The following EPHA6 variants were observed in gnomAD, a reference collection of about 807,000 sequenced individuals.
EPHA6 encodes EPH receptor A6, also known as ephrin type-A receptor 6.
In EPHA6, 50 loss-of-function variants were observed where a neutral mutation model predicts 112.0. The observed-to-expected ratio is 0.45, with a 90% confidence interval of 0.36 to 0.56. The LOEUF (loss-of-function observed/expected upper bound fraction) is 0.56. Among genes scored for constraint, EPHA6 ranks in the 20% least tolerant of loss-of-function variants. EPHA6 has a pLI of 0.00. For missense variants in EPHA6, 1,280 were observed against 1,417.4 expected (o/e 0.90, Z 1.56); for synonymous variants, 529 against 490.7 (o/e 1.08, Z -1.03).
In EPHA6 at chr3:97,485,429, C is replaced by T. The variant is rs79829273; in HGVS notation, c.2200+1370C>T. On this transcript the variant is annotated intron_variant, in intron 10 of 17. Coordinates refer to ENST00000389672, the MANE Select transcript of EPHA6 (RefSeq NM_001080448.3). ...TACTCATGAAGCTAATCCTGTTTCC[C>T]GGGTACACAGAGAAGTAGAACTACC... 2.7e-3 allele frequency among the ~76,000 whole-genome samples: 412 copies of T among 152,274 alleles called. 4 individuals are homozygous for T. The highest frequency in any genetic ancestry group is 9.1e-3 in the African/African-American group (380 of 41,550).
intron 5 of EPHA6, among the ~76,000 whole-genome samples, chr3:97,305,840 G>A (rs1397440460): frequency 2.0e-5 from 3 of 151,842 alleles, no homozygotes; most frequent in Non-Finnish European, 4.4e-5. Context: ...TAACAAACCT[G>A]CACGTCCTGC....
At chr3:97,535,461 T>G (rs1056114856) in intron 11 of EPHA6, among the ~76,000 whole-genome samples, 1 of 152,030 alleles carries the variant, frequency 6.6e-6, no homozygotes, top group East Asian at 1.9e-4. Context: ...GCTACCAAGG[T>G]GGGTTGTAGA....
intron 13 of EPHA6, among the ~76,000 whole-genome samples, chr3:97,624,681 C>A (rs1282878527): frequency 6.6e-6 from 1 of 151,548 alleles, no homozygotes; most frequent in Non-Finnish European, 1.5e-5. Flanking sequence ...TCATCAGGTC[C>A]AAGGATTTTC....
intron 11 of EPHA6, among the ~76,000 whole-genome samples, chr3:97,538,060 T>C (rs890233229): frequency 6.6e-6 from 1 of 152,206 alleles, no homozygotes; most frequent in East Asian, 1.9e-4. Context: ...ACTAGTTACA[T>C]ACTTTTGTTT....
At chr3:97,023,967 A>T (rs925516916) in intron 3 of EPHA6, among the ~76,000 whole-genome samples, 5 of 152,178 alleles carry the variant, frequency 3.3e-5, no homozygotes, top group African/African-American at 1.2e-4. Context: ...TTCCTCACAG[A>T]ATTCACAATC....
At chr3:97,334,790 A>G (rs1048050342) in intron 5 of EPHA6, among the ~76,000 whole-genome samples, 1 of 151,956 alleles carries the variant, frequency 6.6e-6, no homozygotes, top group Non-Finnish European at 1.5e-5. Flanking sequence ...ATGTAATTCT[A>G]TTGACTTTTT....
At chr3:97,466,022 T>A (rs943659041) in intron 7 of EPHA6, among the ~76,000 whole-genome samples, 5 of 151,934 alleles carry the variant, frequency 3.3e-5, no homozygotes, top group African/African-American at 9.7e-5. Flanking sequence ...AATTGATACA[T>A]GAGACCCATT....
intron 5 of EPHA6, among the ~76,000 whole-genome samples, chr3:97,320,212 T>G (rs2082043688): frequency 6.6e-6 from 1 of 152,034 alleles, no homozygotes; most frequent in African/African-American, 2.4e-5. Context: ...ACACAATAAA[T>G]TTTTATTAGT....
At chr3:96,836,002 T>A (rs781173424) in intron 1 of EPHA6, among the ~76,000 whole-genome samples, 3 of 152,098 alleles carry the variant, frequency 2.0e-5, no homozygotes, top group African/African-American at 7.2e-5. Flanking sequence ...TTGTATAAAA[T>A]TCATCTTAGG....
At chr3:97,375,882 C>T (rs2085319537) in intron 5 of EPHA6, among the ~76,000 whole-genome samples, 1 of 152,006 alleles carries the variant, frequency 6.6e-6, no homozygotes. Flanking sequence ...TACAAACTAA[C>T]CTATAGTGAA....
intron 5 of EPHA6, among the ~76,000 whole-genome samples, chr3:97,370,439 G>T (rs1252350631): frequency 6.6e-6 from 1 of 151,956 alleles, no homozygotes; most frequent in African/African-American, 2.4e-5. Context: ...CCTATAAATA[G>T]CACTACTATA....
chr3:97,696,559 C>T (rs963593070), intron 14 of EPHA6, among the ~76,000 whole-genome samples: 6 of 152,138 alleles, frequency 3.9e-5, no homozygotes, highest in African/African-American at 1.4e-4. Context: ...GACAAAATCC[C>T]TTTGAAGAAA....
intron 2 of EPHA6, among the ~76,000 whole-genome samples, chr3:96,897,900 G>A (rs2038370965): frequency 6.6e-6 from 1 of 152,064 alleles, no homozygotes. Context: ...ATAATATAAG[G>A]GAATGAAGTA....
In EPHA6 at chr3:97,751,312, T is replaced by G. The variant is rs1559649093; in HGVS notation, c.*2611T>G. Among the ~76,000 whole-genome samples the G allele has an allele frequency of 6.6e-6, 1 of 152,240 alleles. No individual in the cohort carries two copies. Among genetic ancestry groups the G allele is most frequent in the Non-Finnish European group, 1.5e-5 (1 of 67,966 alleles). On this transcript the variant is annotated 3_prime_UTR_variant, in exon 18 of 18. Coordinates refer to ENST00000389672, the MANE Select transcript of EPHA6 (RefSeq NM_001080448.3). ...TCTACATCTGGTTAATTTGTACTTA[T>G]TTTTTCTTTCTCTAACATCTTTTGA...
rs547084414 is a variant in EPHA6 at position 97,613,315 on chromosome 3, T to C, written c.2574+2461T>C. ...AGCTTTAGAACATAATCACAGCTTA[T>C]GTGAGCACAGGAAGGAGGAAGTGGC... is the stretch of plus-strand genomic sequence containing the variant. On this transcript the variant is annotated intron_variant, in intron 13 of 17. Transcript: ENST00000389672. Among the ~76,000 whole-genome samples, 6 of 152,312 alleles carry C rather than the reference T, an allele frequency of 3.9e-5. No individual in the cohort carries two copies. The East Asian group carries it at 7.7e-4, about 20-fold the overall frequency.
intron 6 of EPHA6, among the ~76,000 whole-genome samples, chr3:97,433,975 A>C (rs928881154): frequency 6.6e-6 from 1 of 152,098 alleles, no homozygotes; most frequent in African/African-American, 2.4e-5. Context: ...AAACACCTTA[A>C]ATTTTTATGT....
chr3:96,843,591 C>T (rs2107334730), intron 1 of EPHA6, among the ~76,000 whole-genome samples: 1 of 152,046 alleles, frequency 6.6e-6, no homozygotes, highest in East Asian at 1.9e-4. Flanking sequence ...TGGATGTGAG[C>T]CTGCAGAATT....
At chr3:97,135,409 A>G (rs1187427712) in intron 3 of EPHA6, among the ~76,000 whole-genome samples, 2 of 152,176 alleles carry the variant, frequency 1.3e-5, no homozygotes, top group African/African-American at 2.4e-5. Context: ...GAAAAACTGG[A>G]AAACCATTTT....
intron 3 of EPHA6, among the ~76,000 whole-genome samples, chr3:97,015,032 A>T (rs546852059): frequency 1.3e-5 from 2 of 152,140 alleles, no homozygotes; most frequent in Non-Finnish European, 2.9e-5. Context: ...CAACAAGTAA[A>T]TTAAACTGAA....
Sources: allele counts gnomAD v4.1 joint callset (sites outside exome capture counted in the v4.1 genomes callset), GRCh38; gene constraint gnomAD v4.1.1; transcripts MANE v1.5; gene names NCBI Gene and HGNC (gene_info 2026-07-23, HGNC 2026-07-21).